MORN1: variants seen among roughly 807,000 people sequenced by gnomAD.
MORN1 encodes MORN repeat-containing protein 1.
Under a neutral mutation model 61.9 loss-of-function variants are expected in MORN1, and 67 were observed. That is an observed-to-expected ratio of 1.08 (90% CI 0.89 to 1.33). The LOEUF is 1.33. MORN1 is among the 40% of genes most tolerant of loss of function. The pLI is 0.00. For synonymous variants in MORN1, 301 were observed against 292.0 expected, an observed-to-expected ratio of 1.03 and a Z score of -0.31; for missense variants, 752 against 691.2, an observed-to-expected ratio of 1.09 and a Z score of -0.99.
At chr1:2,323,937 C>T (rs774873577) in intron 13 of MORN1, 160 bp downstream of exon 13, 41 of 984,930 alleles carry the variant, frequency 4.2e-5, no homozygotes, top group Admixed American at 1.8e-4. Context: ...CATTCAGGTC[C>T]CTGGGAGGGC....
rs376285198 is a variant in MORN1 at position 2,323,042 on chromosome 1, G to A, written c.1297+1055C>T. ...CCTCACCCCCAGGGCTGTCTCCGCC[G>A]AGCACATAAACCCTGGCCGAGCGGC... On this transcript the variant is annotated intron_variant, in intron 13 of 13. Coordinates refer to ENST00000378531, the MANE Select transcript of MORN1 (RefSeq NM_024848.3). 1.2e-4 allele frequency: 119 copies of A among 985,428 alleles called. No homozygotes were observed. In the East Asian group the frequency reaches 8.5e-3, roughly 70 times the overall value. 61.0% of individuals were successfully genotyped at this position (985,428 alleles called of 1,614,324 possible).
chr1:2,382,405 C>T (rs530676259), intron 6 of MORN1, among the ~76,000 whole-genome samples: 2 of 152,170 alleles, frequency 1.3e-5, no homozygotes, highest in African/African-American at 4.8e-5. Flanking sequence ...GCCAATGCAC[C>T]GAAAGGCTGA....
At chr1:2,325,331 A>G (rs1641003936) in intron 12 of MORN1, among the ~76,000 whole-genome samples, 2 of 144,648 alleles carry the variant, frequency 1.4e-5, no homozygotes, top group African/African-American at 2.6e-5. Flanking sequence ...TTCTCTAGAT[A>G]GAGTCTGGCT....
At chr1:2,323,422 C>T (rs1450579419) in intron 13 of MORN1, 1 of 985,312 alleles carries the variant, frequency 1.0e-6, no homozygotes, top group Non-Finnish European at 1.2e-6. Flanking sequence ...CATGTTGGCC[C>T]AGGTGACAGA....
intron 8 of MORN1, among the ~76,000 whole-genome samples, chr1:2,367,541 C>T (rs943908888): frequency 6.6e-6 from 1 of 150,864 alleles, no homozygotes; most frequent in Non-Finnish European, 1.5e-5. Flanking sequence ...CAAATAGATA[C>T]CCACATTCAA....
intron 6 of MORN1, 120 bp downstream of exon 6, chr1:2,384,858 A>T: frequency 1.3e-6 from 1 of 785,922 alleles, no homozygotes; most frequent in Non-Finnish European, 2.0e-6. Flanking sequence ...GGGATCAGGG[A>T]ATCGCAGGGC....
At chr1:2,369,338 A>T (rs1447859454) in intron 8 of MORN1, among the ~76,000 whole-genome samples, 5 of 143,928 alleles carry the variant, frequency 3.5e-5, no homozygotes, top group Non-Finnish European at 7.6e-5. Context: ...TGGATGACAG[A>T]GCAAAACTCA....
chr1:2,325,738 C>T (rs1042328479), intron 12 of MORN1, among the ~76,000 whole-genome samples: 1 of 150,698 alleles, frequency 6.6e-6, no homozygotes, highest in Non-Finnish European at 1.5e-5. Context: ...ACTGCAGACT[C>T]AACCTCCCAA....
At chr1:2,373,914 G>A (rs1642178522) in intron 7 of MORN1, among the ~76,000 whole-genome samples, 1 of 152,250 alleles carries the variant, frequency 6.6e-6, no homozygotes, top group Non-Finnish European at 1.5e-5. Flanking sequence ...GTGCCCCGGC[G>A]CAGGGCCAGA....
intron 8 of MORN1, among the ~76,000 whole-genome samples, chr1:2,359,461 G>C (rs548765275): frequency 6.6e-6 from 1 of 152,334 alleles, no homozygotes; most frequent in East Asian, 1.9e-4. Flanking sequence ...CGCTGGGCAG[G>C]TGGAGGTGGC....
At chr1:2,368,198 G>C (rs532608722) in intron 8 of MORN1, among the ~76,000 whole-genome samples, 129 of 152,340 alleles carry the variant, frequency 8.5e-4, no homozygotes, top group African/African-American at 2.9e-3. Flanking sequence ...TCTTGATGCA[G>C]AGCAGGTGAG....
At chr1:2,346,545 C>T (rs1641519655) in intron 10 of MORN1, among the ~76,000 whole-genome samples, 1 of 152,160 alleles carries the variant, frequency 6.6e-6, no homozygotes, top group Admixed American at 6.6e-5. Context: ...GCCACCACAC[C>T]TGGCTAATTT....
intron 8 of MORN1, among the ~76,000 whole-genome samples, chr1:2,361,489 T>C (rs1269394363): frequency 1.3e-5 from 2 of 151,138 alleles, no homozygotes; most frequent in African/African-American, 4.9e-5. Flanking sequence ...ACCTGGGAGG[T>C]GGAGGTTGCA....
At chr1:2,341,752 A>G (rs981629633) in intron 10 of MORN1, among the ~76,000 whole-genome samples, 4 of 152,094 alleles carry the variant, frequency 2.6e-5, no homozygotes, top group Non-Finnish European at 2.9e-5. Context: ...GTGCCCCCCA[A>G]AGGCATTAAA....
chr1:2,352,869 A>T (rs1305782227), intron 10 of MORN1: 2 of 152,936 alleles, frequency 1.3e-5, no homozygotes, highest in African/African-American at 4.8e-5. Context: ...TGGGTAGGAG[A>T]TCCTGCTTGG....
chr1:2,369,052 G>C (rs1481745996), intron 8 of MORN1, among the ~76,000 whole-genome samples: 1 of 140,852 alleles, frequency 7.1e-6, no homozygotes, highest in Non-Finnish European at 1.5e-5. Context: ...GCAAGACCCA[G>C]TCTCAAAAAA....
At chr1:2,362,188 T>C (rs907309768) in intron 8 of MORN1, among the ~76,000 whole-genome samples, 1 of 152,254 alleles carries the variant, frequency 6.6e-6, no homozygotes, top group Non-Finnish European at 1.5e-5. Context: ...GCTCTGATCA[T>C]GCCACTGCAC....
At chr1:2,335,017 A>C (rs112133352) in intron 12 of MORN1, among the ~76,000 whole-genome samples, 3,907 of 152,330 alleles carry the variant, frequency 0.026, 178 homozygotes, top group African/African-American at 0.088. Flanking sequence ...ACAGGGCCCC[A>C]GCACCTGCAG....
At chr1:2,327,831 G>A (rs574212066) in intron 12 of MORN1, among the ~76,000 whole-genome samples, 25 of 152,258 alleles carry the variant, frequency 1.6e-4, no homozygotes, top group Non-Finnish European at 1.0e-4. Context: ...CGAATTGGCC[G>A]CCCTGACGGG....
Sources: allele counts gnomAD v4.1 joint callset (sites outside exome capture counted in the v4.1 genomes callset), GRCh38; gene constraint gnomAD v4.1.1; transcripts MANE v1.5; gene names NCBI Gene and HGNC (gene_info 2026-07-23, HGNC 2026-07-21).